DAPK2: variants seen among roughly 807,000 people sequenced by gnomAD.
DAPK2 encodes the protein death associated protein kinase 2.
Under a neutral mutation model 44.1 loss-of-function variants are expected in DAPK2, and 35 were observed. The ratio of observed to expected loss-of-function variants is 0.79; its 90% CI spans 0.61 to 1.05. The LOEUF (loss-of-function observed/expected upper bound fraction) is 1.05. DAPK2 is among the 50% of genes least tolerant of loss of function. DAPK2 has a pLI of 0.00. For synonymous variants in DAPK2, 174 were observed against 182.6 expected (o/e 0.95, Z 0.38); for missense variants, 453 against 483.2 (o/e 0.94, Z 0.59).
intron 1 of DAPK2, among the ~76,000 whole-genome samples, chr15:64,033,321 GAAGGAAAA>G (rs1567287555): frequency 7.0e-6 from 1 of 142,126 alleles, no homozygotes; most frequent in Non-Finnish European, 1.6e-5. Flanking sequence ...AGGAAGGAAG[GAAGGAAAA>G]AAAAAATAGC....
intron 1 of DAPK2, among the ~76,000 whole-genome samples, chr15:63,993,119 C>T (rs1202972515): frequency 6.6e-6 from 1 of 152,140 alleles, no homozygotes; most frequent in Admixed American, 6.5e-5. Flanking sequence ...ATCCAGCCCG[C>T]CTCCTGTGAA....
intron 4 of DAPK2, among the ~76,000 whole-genome samples, chr15:63,931,247 T>C (rs187681556): frequency 1.3e-5 from 2 of 152,322 alleles, no homozygotes; most frequent in Admixed American, 6.5e-5. Flanking sequence ...AAATTTCTGT[T>C]GTTTATAAAT....
At chr15:63,991,212 A>G (rs1016337993) in intron 1 of DAPK2, 11 of 456,244 alleles carry the variant, frequency 2.4e-5, no homozygotes, top group African/African-American at 2.0e-4. Context: ...GACAAGGGTA[A>G]GGAGGAAAAG....
chr15:63,939,243 G>T lies in DAPK2; in HGVS notation c.572C>A (p.Pro191Gln), dbSNP rs768038957. Reference sequence around the variant, plus strand: ...GGCCTACAACTCACCAACAAATTCCGGCGTCCCAAAAATATTCTTAAATTC... The same window carrying T: ...GGCCTACAACTCACCAACAAATTCCTGCGTCCCAAAAATATTCTTAAATTC... Residue 191 changes from proline (P) to glutamine (Q), a missense_variant, in exon 4 of 11, where the codon CCG (proline) becomes CAG (glutamine). By Grantham distance (76) the Pro-to-Gln change is moderately conservative. Transcript: ENST00000261891. This position sits in a 1 kb window ranked among gnomAD's most constrained non-coding sequence, Gnocchi z 4.3. 2 of 1,613,758 alleles carry T rather than the reference G, an allele frequency of 1.2e-6. No individual in the cohort carries two copies. The highest frequency in any genetic ancestry group is 1.7e-6 in the Non-Finnish European group (2 of 1,179,908).
intron 5 of DAPK2, chr15:63,929,787 G>A (rs948337164): frequency 6.7e-5 from 46 of 684,260 alleles, no homozygotes; most frequent in African/African-American, 3.7e-4. Flanking sequence ...CCCTGAGTCC[G>A]AAGACCCAAG....
intron 3 of DAPK2, among the ~76,000 whole-genome samples, chr15:63,947,755 A>C (rs1406484386): frequency 6.6e-6 from 1 of 152,130 alleles, no homozygotes; most frequent in African/African-American, 2.4e-5. Flanking sequence ...CCAGAATGAG[A>C]ATCTTTATCA....
chr15:64,041,788 C>T (rs914572152), upstream of DAPK2, among the ~76,000 whole-genome samples: 1 of 152,354 alleles, frequency 6.6e-6, no homozygotes, highest in African/African-American at 2.4e-5. Flanking sequence ...ATTTCACCCT[C>T]TTTCCACCAC....
At position 63,923,259 on chromosome 15, in the gene DAPK2, T is replaced by A; in HGVS notation, c.858+1557A>T. On this transcript the variant is annotated intron_variant, in intron 8 of 10. Transcript: ENST00000261891. The surrounding 1 kb of genome is among the most constrained non-coding windows in gnomAD (Gnocchi z 4.2). ...TTGGGAGGCATGCTTGAGTGGCATT[T>A]GAGAGTGTACTCTCTCAGGTGCTTG... 1 of 1,535,968 alleles carries A rather than the reference T, an allele frequency of 6.5e-7. No individual in the cohort carries two copies. Among genetic ancestry groups the A allele is most frequent in the Non-Finnish European group, 8.7e-7 (1 of 1,146,750 alleles).
At chr15:63,957,861 G>T (rs1206781357) in intron 3 of DAPK2, among the ~76,000 whole-genome samples, 1 of 152,010 alleles carries the variant, frequency 6.6e-6, no homozygotes, top group East Asian at 1.9e-4. Context: ...TAATCCTTTG[G>T]GTATATGCCC....
chr15:63,921,395 G>A (rs551615130), intron 8 of DAPK2: 1 of 152,344 alleles, frequency 6.6e-6, no homozygotes, highest in South Asian at 2.1e-4. Context: ...TGGGAATATC[G>A]TTTAGTCTGC....
rs569862196 is a variant in DAPK2 at position 63,971,713 on chromosome 15, C to T, written c.315-152G>A. ...GCTTATTTCTGGGGCTTTGTCTGTC[C>T]AGTGCCAGGGACTGACTTTGCTCCT... On this transcript the variant is annotated intron_variant, in intron 2 of 10. Coordinates refer to ENST00000261891, the Ensembl canonical transcript of DAPK2. 56 of 836,472 alleles carry T rather than the reference C, an allele frequency of 6.7e-5. No homozygotes were observed. In the African/African-American group the frequency reaches 9.0e-4, roughly 13 times the overall value. 51.8% of individuals were successfully genotyped at this position (836,472 alleles called of 1,614,324 possible).
At chr15:63,958,812 G>T (rs1252252570) in intron 3 of DAPK2, among the ~76,000 whole-genome samples, 3 of 152,156 alleles carry the variant, frequency 2.0e-5, no homozygotes, top group African/African-American at 7.2e-5. Flanking sequence ...TGTTCTTTTG[G>T]CTTAGGATTG....
At chr15:64,043,670 T>C (rs2080396823), upstream of DAPK2, among the ~76,000 whole-genome samples, 1 of 152,158 alleles carries the variant, frequency 6.6e-6, no homozygotes, top group South Asian at 2.1e-4. Flanking sequence ...GGTAGTTAGA[T>C]GGATATATGG....
At chr15:64,038,156 C>T (rs2080258975) in intron 1 of DAPK2, among the ~76,000 whole-genome samples, 1 of 152,236 alleles carries the variant, frequency 6.6e-6, no homozygotes, top group Non-Finnish European at 1.5e-5. Flanking sequence ...CCCACAACTT[C>T]TCAGTTTCTC....
chr15:64,033,211 GA>G (rs1229287664), intron 1 of DAPK2, among the ~76,000 whole-genome samples: 1 of 147,744 alleles, frequency 6.8e-6, no homozygotes, highest in Non-Finnish European at 1.5e-5. Flanking sequence ...AATGAGCCAT[GA>G]CTGAACCACT....
chr15:63,984,186 T>C (rs561764589), intron 1 of DAPK2, among the ~76,000 whole-genome samples: 1 of 152,228 alleles, frequency 6.6e-6, no homozygotes, highest in Admixed American at 6.5e-5. Flanking sequence ...TTAATCATCA[T>C]AGTGGGGGAG....
At chr15:63,935,984 G>T (rs776524000) in intron 4 of DAPK2, 4 of 151,990 alleles carry the variant, frequency 2.6e-5, no homozygotes, top group Non-Finnish European at 4.4e-5. Flanking sequence ...AATTCATCTG[G>T]TCATTTTTGA....
At chr15:63,907,355 C>T (rs1463955598) in exon 11 of DAPK2, 2 of 152,100 alleles carry the variant, frequency 1.3e-5, no homozygotes, top group Admixed American at 1.3e-4. Context: ...TAGGGAGACA[C>T]ACTCAGCTCC....
rs2078477102 is a variant in DAPK2 at position 63,980,602 on chromosome 15, G to A, written c.314+2931C>T. Among the ~76,000 whole-genome samples, 2 of 152,140 alleles carry A rather than the reference G, an allele frequency of 1.3e-5. No homozygotes were observed. The highest frequency in any genetic ancestry group is 6.5e-5 in the Admixed American group (1 of 15,274). On this transcript the variant is annotated intron_variant, in intron 2 of 10. Coordinates refer to ENST00000261891, the Ensembl canonical transcript of DAPK2. The surrounding 1 kb of genome is among the most constrained non-coding windows in gnomAD (Gnocchi z 4.3). ...CTAAATCCTCAGGACTTTGCTGAAAGAATTAATTAAAAAGAAAAGGAGAAA... is the reference window on the plus strand; with the variant it reads ...CTAAATCCTCAGGACTTTGCTGAAAAAATTAATTAAAAAGAAAAGGAGAAA...
Sources: allele counts gnomAD v4.1 joint callset (sites outside exome capture counted in the v4.1 genomes callset), GRCh38; gene constraint gnomAD v4.1.1; non-coding constraint Gnocchi (gnomAD v3.1); transcripts MANE v1.5; gene names NCBI Gene and HGNC (gene_info 2026-07-23, HGNC 2026-07-21).